TRHDE: variants seen among roughly 807,000 people sequenced by gnomAD.
TRHDE encodes the protein thyrotropin-releasing hormone-degrading ectoenzyme.
Under a neutral mutation model 125.7 loss-of-function variants are expected in TRHDE, and 72 were observed. That is an observed-to-expected ratio of 0.57 (90% CI 0.47 to 0.70). TRHDE has a LOEUF of 0.70. Ranked by LOEUF, TRHDE falls within the 30% of genes least tolerant of loss-of-function variation. The probability of loss-of-function intolerance (pLI) is 0.00; values close to 1 mark genes in which losing one functional copy is unlikely to be tolerated. For missense variants in TRHDE, 1,110 were observed against 1,327.1 expected (o/e 0.84, Z 2.54); for synonymous variants, 509 against 509.1 (o/e 1.00, Z 0.00).
chr12:72,190,122 T>C (rs1398811933), intron 2 of TRHDE, among the ~76,000 whole-genome samples: 2 of 152,204 alleles, frequency 1.3e-5, no homozygotes, highest in African/African-American at 4.8e-5. Flanking sequence ...CAGGCATTAA[T>C]ATCAAGTCTG....
At chr12:72,383,659 G>A (rs560132985) in intron 3 of TRHDE, among the ~76,000 whole-genome samples, 64 of 151,240 alleles carry the variant, frequency 4.2e-4, no homozygotes, top group South Asian at 1.7e-3. Flanking sequence ...TTACAGACAT[G>A]AGCCACCATG....
intron 3 of TRHDE, among the ~76,000 whole-genome samples, chr12:72,461,143 A>G (rs2135885338): frequency 6.6e-6 from 1 of 152,340 alleles, no homozygotes; most frequent in African/African-American, 2.4e-5. Context: ...GAATACAAGT[A>G]GTGCTGATGA....
chr12:72,530,236 T>A, intron 6 of TRHDE, among the ~76,000 whole-genome samples: 1 of 152,198 alleles, frequency 6.6e-6, no homozygotes, highest in African/African-American at 2.4e-5. Context: ...TCTCTTTTTC[T>A]TTTAAAATCC....
intron 2 of TRHDE, among the ~76,000 whole-genome samples, chr12:72,131,368 G>A (rs1053693825): frequency 5.9e-5 from 9 of 151,568 alleles, no homozygotes; most frequent in African/African-American, 2.2e-4. Flanking sequence ...CACCGCGCCC[G>A]GCCTCTACTT....
At chr12:72,617,899 C>T (rs1395486030) in intron 12 of TRHDE, among the ~76,000 whole-genome samples, 2 of 152,142 alleles carry the variant, frequency 1.3e-5, no homozygotes, top group African/African-American at 4.8e-5. Flanking sequence ...ACCAAAGGCC[C>T]TACCTCTGAA....
chr12:72,197,978 C>T (rs1197684065), intron 2 of TRHDE, among the ~76,000 whole-genome samples: 1 of 151,960 alleles, frequency 6.6e-6, no homozygotes, highest in Non-Finnish European at 1.5e-5. Context: ...TTTTCCCCTC[C>T]TTGTGGTTCC....
rs533544679 is a variant in TRHDE, at chr12:72,665,967, A to G, written c.*2772A>G. ...AGGTCTATTCTTGAGTTTCAATAACATGTATTTTAGTTGGGTCATAAACTT... is the reference window on the plus strand; with the variant it reads ...AGGTCTATTCTTGAGTTTCAATAACGTGTATTTTAGTTGGGTCATAAACTT... On this transcript the variant is annotated 3_prime_UTR_variant, in exon 19 of 19. Transcript: ENST00000261180. 5 of 152,162 alleles carry G rather than the reference A, an allele frequency of 3.3e-5. 1 individual carries two copies. Among genetic ancestry groups the G allele is most frequent in the South Asian group, 4.1e-4 (2 of 4,824 alleles). The allele number at this position is 152,162 out of a possible 1,614,324, so 9.4% of individuals were successfully genotyped here.
intron 2 of TRHDE, among the ~76,000 whole-genome samples, chr12:72,238,358 T>C (rs1227352151): frequency 8.5e-5 from 7 of 82,554 alleles, no homozygotes; most frequent in African/African-American, 2.9e-4. Context: ...TATATATATA[T>C]ATATACACAT....
chr12:72,233,486 T>C (rs1201234070), intron 2 of TRHDE, among the ~76,000 whole-genome samples: 2 of 152,122 alleles, frequency 1.3e-5, no homozygotes, highest in Admixed American at 1.3e-4. Flanking sequence ...CATTGCAAGA[T>C]GGTCTTAGGT....
chr12:72,653,524 C>T (rs186653187), intron 17 of TRHDE, among the ~76,000 whole-genome samples: 12 of 151,996 alleles, frequency 7.9e-5, no homozygotes, highest in East Asian at 7.7e-4. Flanking sequence ...AAAAATAAAA[C>T]GTTAATTACT....
At chr12:72,513,264 AC>A (rs1878687410) in intron 6 of TRHDE, among the ~76,000 whole-genome samples, 1 of 152,120 alleles carries the variant, frequency 6.6e-6, no homozygotes, top group Non-Finnish European at 1.5e-5. Flanking sequence ...ACATATATAA[AC>A]CTCAATCAGA....
intron 2 of TRHDE, among the ~76,000 whole-genome samples, chr12:72,168,620 A>C (rs994209059): frequency 4.7e-4 from 71 of 152,236 alleles, no homozygotes; most frequent in Admixed American, 1.2e-3. Flanking sequence ...TCTACATTGG[A>C]TCCTGTTATG....
chr12:72,425,801 C>T (rs907132987), intron 3 of TRHDE, among the ~76,000 whole-genome samples: 16 of 151,996 alleles, frequency 1.1e-4, no homozygotes, highest in Admixed American at 7.9e-4. Flanking sequence ...TTGGTTTTTA[C>T]TATGGATCTG....
chr12:72,312,010 A>C (rs1193699371), intron 2 of TRHDE, among the ~76,000 whole-genome samples: 1 of 152,206 alleles, frequency 6.6e-6, no homozygotes, highest in East Asian at 1.9e-4. Flanking sequence ...CAAAGTGAAC[A>C]AACACTTGCT....
intron 7 of TRHDE, among the ~76,000 whole-genome samples, chr12:72,556,116 GAAC>G (rs1869910021): frequency 6.6e-6 from 1 of 152,050 alleles, no homozygotes; most frequent in South Asian, 2.1e-4. Flanking sequence ...CTGTTCATAA[GAAC>G]AACAAAAGCC....
intron 12 of TRHDE, among the ~76,000 whole-genome samples, chr12:72,603,724 CAAAACAA>C (rs940093045): frequency 1.5e-4 from 23 of 150,116 alleles, no homozygotes; most frequent in Admixed American, 7.3e-4. Flanking sequence ...GACTCCGTCT[CAAAACAA>C]AAAACAAAAA....
intron 2 of TRHDE, among the ~76,000 whole-genome samples, chr12:72,158,479 AC>A (rs954796618): frequency 6.6e-6 from 1 of 151,746 alleles, no homozygotes; most frequent in Non-Finnish European, 1.5e-5. Context: ...AGTAATTCTC[AC>A]CTTTTTATTG....
chr12:72,530,976 G>A (rs1240188219), intron 6 of TRHDE, among the ~76,000 whole-genome samples: 1 of 151,896 alleles, frequency 6.6e-6, no homozygotes, highest in Non-Finnish European at 1.5e-5. Context: ...TACACAGCAG[G>A]CACTCAATAA....
intron 15 of TRHDE, among the ~76,000 whole-genome samples, chr12:72,640,494 C>T (rs563190264): frequency 3.9e-4 from 59 of 152,308 alleles, no homozygotes; most frequent in Middle Eastern, 3.4e-3. Context: ...AGCTGTAGAC[C>T]GGAGCTGTTC....
Sources: allele counts gnomAD v4.1 joint callset (sites outside exome capture counted in the v4.1 genomes callset), GRCh38; gene constraint gnomAD v4.1.1; transcripts MANE v1.5; gene names NCBI Gene and HGNC (gene_info 2026-07-23, HGNC 2026-07-21).